CADPS: variants seen among roughly 807,000 people sequenced by gnomAD.
CADPS encodes the protein calcium dependent secretion activator, also known as calcium-dependent secretion activator 1.
CADPS carries 57 observed loss-of-function variants against 167.3 expected under a neutral mutation model. The ratio of observed to expected loss-of-function variants is 0.34; its 90% CI spans 0.28 to 0.42. The LOEUF is 0.42. Ranked by LOEUF, CADPS falls within the 20% of genes least tolerant of loss-of-function variation. CADPS has a pLI of 1.00. For missense variants in CADPS, 1,414 were observed against 1,738.1 expected (o/e 0.81, Z 3.32); for synonymous variants, 676 against 635.3 (o/e 1.06, Z -0.96).
At chr3:62,757,872 T>C (rs909430363) in intron 2 of CADPS, among the ~76,000 whole-genome samples, 4 of 152,184 alleles carry the variant, frequency 2.6e-5, no homozygotes, top group African/African-American at 7.2e-5. Flanking sequence ...CAAGAGAGCA[T>C]GTGCATGGGA....
At chr3:62,496,889 G>C (rs115586307) in intron 18 of CADPS, among the ~76,000 whole-genome samples, 89 of 152,268 alleles carry the variant, frequency 5.8e-4, no homozygotes, top group African/African-American at 2.1e-3. Context: ...AAGATTTTGT[G>C]ATTGGGTAAA....
intron 2 of CADPS, among the ~76,000 whole-genome samples, chr3:62,763,789 G>A (rs2086155597): frequency 6.6e-6 from 1 of 152,166 alleles, no homozygotes; most frequent in Non-Finnish European, 1.5e-5. Flanking sequence ...TACTAATGAA[G>A]ACAGCAGTTA....
chr3:62,778,405 A>G (rs1240059374), intron 1 of CADPS, among the ~76,000 whole-genome samples: 1 of 152,226 alleles, frequency 6.6e-6, no homozygotes, highest in Non-Finnish European at 1.5e-5. Flanking sequence ...ATGCTATTTA[A>G]AAGCCTTTCT....
chr3:62,836,566 G>A (rs1393349657), intron 1 of CADPS, among the ~76,000 whole-genome samples: 1 of 152,130 alleles, frequency 6.6e-6, no homozygotes, highest in Non-Finnish European at 1.5e-5. Flanking sequence ...GTGTGTGTGT[G>A]TCTCTACAAA....
intron 5 of CADPS, among the ~76,000 whole-genome samples, chr3:62,650,388 T>A (rs561386904): frequency 1.3e-5 from 2 of 152,272 alleles, no homozygotes; most frequent in African/African-American, 4.8e-5. Context: ...CTAGCCTGAA[T>A]GGGTACTTAC....
intron 2 of CADPS, among the ~76,000 whole-genome samples, chr3:62,760,496 T>A (rs891797372): frequency 3.3e-5 from 5 of 152,076 alleles, no homozygotes; most frequent in African/African-American, 4.8e-5. Flanking sequence ...CCCAAGAGGC[T>A]GAGGTTCCTC....
chr3:62,605,119 A>G (rs1308298382), intron 6 of CADPS, among the ~76,000 whole-genome samples: 3 of 152,236 alleles, frequency 2.0e-5, no homozygotes, highest in South Asian at 2.1e-4. Flanking sequence ...AAAAGTTTAC[A>G]AAACCTACAC....
At chr3:62,460,328 T>C (rs892146946) in intron 26 of CADPS, among the ~76,000 whole-genome samples, 1 of 152,160 alleles carries the variant, frequency 6.6e-6, no homozygotes, top group African/African-American at 2.4e-5. Flanking sequence ...CTCTGAAATA[T>C]AGAAGCCAAT....
At chr3:62,468,963 A>G (rs2060255450) in intron 24 of CADPS, among the ~76,000 whole-genome samples, 1 of 152,204 alleles carries the variant, frequency 6.6e-6, no homozygotes, top group South Asian at 2.1e-4. Context: ...AACGTGGTTT[A>G]GAAACTGAGA....
chr3:62,624,756 A>C (rs2063748874), intron 6 of CADPS, among the ~76,000 whole-genome samples: 1 of 152,160 alleles, frequency 6.6e-6, no homozygotes. Context: ...GGGAATGATA[A>C]TATCTACTTC....
Position 62,455,445 on chromosome 3 carries a change from C to T in CADPS, c.3637-9648G>A, listed in dbSNP as rs567120123. ...GTTAATCGACTTTTGAAAAGATCCA[C>T]AACTAGTGACATTATGGAGCTGGTA... On this transcript the variant is annotated intron_variant, in intron 26 of 29. Coordinates refer to ENST00000383710, the MANE Select transcript of CADPS (RefSeq NM_003716.4). This position sits in a 1 kb window ranked among gnomAD's most constrained non-coding sequence, Gnocchi z 4.4. 1.3e-5 allele frequency among the ~76,000 whole-genome samples: 2 copies of T among 152,318 alleles called. No individual in the cohort carries two copies. The highest frequency in any genetic ancestry group is 2.1e-4 in the South Asian group (1 of 4,830).
chr3:62,411,695 T>G (rs1031439081), intron 28 of CADPS, among the ~76,000 whole-genome samples: 1 of 152,184 alleles, frequency 6.6e-6, no homozygotes, highest in Non-Finnish European at 1.5e-5. Flanking sequence ...TTGTATTTGG[T>G]GTTCTAATCA....
chr3:62,732,554 T>C (rs528677390), intron 3 of CADPS, among the ~76,000 whole-genome samples: 107 of 152,334 alleles, frequency 7.0e-4, no homozygotes, highest in African/African-American at 2.2e-3. Context: ...ACATGTGTTG[T>C]TTCAAACCAC....
intron 6 of CADPS, among the ~76,000 whole-genome samples, chr3:62,638,999 C>T (rs1227145562): frequency 6.6e-6 from 1 of 152,084 alleles, no homozygotes; most frequent in East Asian, 1.9e-4. Context: ...TTCCTTCCCA[C>T]TGTCTATCCT....
intron 6 of CADPS, among the ~76,000 whole-genome samples, chr3:62,619,853 G>A (rs1418676422): frequency 6.6e-6 from 1 of 152,038 alleles, no homozygotes; most frequent in Non-Finnish European, 1.5e-5. Flanking sequence ...CTTTCCCCTA[G>A]TGACTGCTCT....
intron 6 of CADPS, among the ~76,000 whole-genome samples, chr3:62,603,421 C>T (rs2060246386): frequency 6.6e-6 from 1 of 152,208 alleles, no homozygotes; most frequent in Non-Finnish European, 1.5e-5. Context: ...AGTTGTTTAG[C>T]TCAGTGCTCA....
At chr3:62,815,986 G>T (rs777884678) in intron 1 of CADPS, among the ~76,000 whole-genome samples, 21 of 152,074 alleles carry the variant, frequency 1.4e-4, no homozygotes, top group Admixed American at 3.9e-4. Context: ...AATATTTATT[G>T]TTGATTTCTC....
chr3:62,411,312 C>T (rs966668553), intron 28 of CADPS, among the ~76,000 whole-genome samples: 3 of 152,268 alleles, frequency 2.0e-5, no homozygotes, highest in Middle Eastern at 3.4e-3. Context: ...GGCACAGCAT[C>T]TTGCCTAGAG....
chr3:62,538,173 A>G (rs2075075614), intron 11 of CADPS, among the ~76,000 whole-genome samples: 1 of 152,106 alleles, frequency 6.6e-6, no homozygotes, highest in Non-Finnish European at 1.5e-5. Context: ...AGTGCTTTCA[A>G]CTTGAGGTTG....
Sources: gnomAD v4.1 joint callset for allele counts (sites outside exome capture counted in the v4.1 genomes callset) on GRCh38, gnomAD v4.1.1 for gene constraint, Gnocchi (gnomAD v3.1) non-coding constraint, MANE v1.5 for transcripts, NCBI Gene and HGNC (gene_info 2026-07-23, HGNC 2026-07-21) for gene names.